Variants in TERF1 observed in about 807,000 individuals in gnomAD.
The protein encoded by TERF1 is telomeric repeat-binding factor 1.
Under a neutral mutation model 55.1 loss-of-function variants are expected in TERF1, and 20 were observed. That is an observed-to-expected ratio of 0.36 (90% CI 0.26 to 0.53). The LOEUF (loss-of-function observed/expected upper bound fraction) is 0.53, where lower values mean the gene tolerates loss of function less well. Among genes scored for constraint, TERF1 ranks in the 20% least tolerant of loss-of-function variants. TERF1 has a pLI of 0.91. For missense variants in TERF1, 439 were observed against 535.7 expected, an observed-to-expected ratio of 0.82 and a Z score of 1.78; for synonymous variants, 168 against 181.2, an observed-to-expected ratio of 0.93 and a Z score of 0.59.
In TERF1 at chr8:73,041,313, CT is replaced by C. The variant is rs1430678947; in HGVS notation, c.1143+2095del. 3.9e-5 allele frequency among the ~76,000 whole-genome samples: 6 copies of C among 152,202 alleles called. No individual in the cohort carries two copies. In the South Asian group the frequency reaches 8.3e-4, roughly 21 times the overall value. On this transcript the variant is annotated intron_variant, in intron 9 of 9. Transcript: ENST00000276603. ...TTCCTTTAGTGTCCTGTTTTTGTCT[CT>C]CTTGTTGTCTCTGGGTTTCCCTAGA...
At position 73,046,298 on chromosome 8, in the gene TERF1, G is replaced by C. The variant is rs1018924870; in HGVS notation, c.*161G>C. The stretch of plus-strand genomic sequence containing the variant: ...GAGGGTTTGTGCTACCAGAGTTAAA[G>C]CATATGCTATCATTGTATTCTTTAA... On this transcript the variant is annotated 3_prime_UTR_variant, in exon 10 of 10. Transcript: ENST00000276603. The C allele has an allele frequency of 4.1e-6, 2 of 490,276 alleles. No individual in the cohort carries two copies. Among genetic ancestry groups the C allele is most frequent in the South Asian group, 1.2e-4 (2 of 17,234 alleles). 30.4% of individuals were successfully genotyped at this position (490,276 alleles called of 1,614,324 possible).
chr8:73,009,262 G>A, intron 1 of TERF1, 57 bp downstream of exon 1: 1 of 1,555,296 alleles, frequency 6.4e-7, no homozygotes, highest in Non-Finnish European at 8.7e-7. Flanking sequence ...CGGGCTCCGT[G>A]GTGCGCGGCA....
chr8:73,027,094 T>C, intron 6 of TERF1, 42 bp downstream of exon 6: 1 of 1,397,938 alleles, frequency 7.2e-7, no homozygotes, highest in Middle Eastern at 2.0e-4. Flanking sequence ...GTTTTATGAA[T>C]GTTCTGTCTT....
chr8:73,026,059 A>G (rs957925861), intron 5 of TERF1, among the ~76,000 whole-genome samples: 3 of 148,550 alleles, frequency 2.0e-5, no homozygotes, highest in Admixed American at 6.8e-5. Context: ...TTAGCCAGAC[A>G]TAGTGGCACA....
intron 5 of TERF1, among the ~76,000 whole-genome samples, chr8:73,026,234 A>T (rs1808989690): frequency 6.8e-6 from 1 of 146,946 alleles, no homozygotes. Flanking sequence ...GCGGTAACTC[A>T]CGCCTGTAAT....
At chr8:73,025,754 CAAAAAA>C (rs35028162) in intron 5 of TERF1, among the ~76,000 whole-genome samples, 4 of 47,260 alleles carry the variant, frequency 8.5e-5, no homozygotes, top group South Asian at 1.3e-3. Context: ...GACTCTGTCT[CAAAAAA>C]AAAAAAAAAA....
intron 4 of TERF1, among the ~76,000 whole-genome samples, chr8:73,022,734 G>T (rs1298278845): frequency 1.3e-5 from 2 of 151,994 alleles, no homozygotes; most frequent in Non-Finnish European, 2.9e-5. Context: ...ATCATTTGAG[G>T]TCAGTAGTTC....
At chr8:73,038,853 T>C (rs1188648504) in intron 8 of TERF1, 1 of 636,372 alleles carries the variant, frequency 1.6e-6, no homozygotes, top group African/African-American at 1.9e-5. Flanking sequence ...TTTAAACAGA[T>C]AATGGAAAGA....
Position 73,024,926 on chromosome 8 carries a change from T to C in TERF1, c.729T>C (p.Tyr243=), listed in dbSNP as rs927366018. 5.1e-6 allele frequency: 8 copies of C among 1,582,094 alleles called. No homozygotes were observed. The highest frequency in any genetic ancestry group is 4.5e-5 in the East Asian group (2 of 44,512). Residue 243 remains tyrosine (Y), a synonymous_variant, in exon 5 of 10, where the codon TAT becomes TAC. Coordinates refer to ENST00000276603, the MANE Select transcript of TERF1 (RefSeq NM_017489.3). ...YNHMMEKIKS[Y]VNYVLSEKSS... is the part of the protein sequence containing the mutation. ...ACATGATGGAGAAAATTAAGAGTTA[T>C]GTGAATTATGTGCTAAGTGAAAAAT... is the stretch of plus-strand genomic sequence containing the variant.
intron 8 of TERF1, among the ~76,000 whole-genome samples, chr8:73,037,381 C>A (rs1809578210): frequency 8.9e-6 from 1 of 112,864 alleles, no homozygotes; most frequent in African/African-American, 3.2e-5. Context: ...TTCAACCAAC[C>A]TTGGAATAAA....
At chr8:73,030,478 A>AAAAAAAATTG in intron 7 of TERF1, 83 bp downstream of exon 7, 1 of 810,532 alleles carries the variant, frequency 1.2e-6, no homozygotes, top group Non-Finnish European at 1.8e-6. Context: ...AAACTACCAC[A>AAAAAAAATTG]TAAATGGTAC....
chr8:73,037,864 GAT>G (rs1360906916), intron 8 of TERF1, among the ~76,000 whole-genome samples: 80 of 96,418 alleles, frequency 8.3e-4, no homozygotes, highest in Non-Finnish European at 9.7e-4. Flanking sequence ...ATATAAATAT[GAT>G]ATATAATATA....
At chr8:73,036,491 A>G (rs1050075464) in intron 8 of TERF1, among the ~76,000 whole-genome samples, 3 of 152,110 alleles carry the variant, frequency 2.0e-5, no homozygotes, top group East Asian at 3.8e-4. Flanking sequence ...AACTGACACC[A>G]TTACATTAAG....
rs148824563 is a variant in TERF1 at position 73,039,182 on chromosome 8, C to A, written c.1106C>A (p.Pro369Gln). The change falls in exon 9 of 10, where the codon CCG (proline) becomes CAG (glutamine). Residue 369 changes from proline to glutamine, a missense_variant. Around this residue, in one of 4 missense-constraint regions of TERF1, gnomAD observed 140 missense variants for 158.6 expected, o/e 0.88. Coordinates refer to ENST00000276603, the MANE Select transcript of TERF1 (RefSeq NM_017489.3). Reference protein sequence around the residue: ...ESRIPVSKSQPVTPEKHRARK... With the variant: ...ESRIPVSKSQQVTPEKHRARK... ...AGAATACCTGTTTCAAAGAGTCAGC[C>A]GGTAACTCCTGAAAAACATCGAGCT... is the stretch of plus-strand genomic sequence containing the variant. 3.7e-6 allele frequency: 6 copies of A among 1,604,312 alleles called. No homozygotes were observed. Among genetic ancestry groups the A allele is most frequent in the Non-Finnish European group, 8.5e-7 (1 of 1,175,818 alleles).
intron 9 of TERF1, among the ~76,000 whole-genome samples, chr8:73,042,405 A>G (rs1372242243): frequency 6.6e-6 from 1 of 152,150 alleles, no homozygotes; most frequent in Non-Finnish European, 1.5e-5. Flanking sequence ...GCCTTTTGTT[A>G]AAATACTTGT....
At chr8:73,042,410 A>G (rs1049751326) in intron 9 of TERF1, among the ~76,000 whole-genome samples, 4 of 152,094 alleles carry the variant, frequency 2.6e-5, no homozygotes, top group Non-Finnish European at 4.4e-5. Context: ...TTGTTAAAAT[A>G]CTTGTTTTAG....
intron 8 of TERF1, among the ~76,000 whole-genome samples, chr8:73,036,952 T>C (rs1170014026): frequency 3.5e-5 from 5 of 141,190 alleles, no homozygotes; most frequent in Non-Finnish European, 6.1e-5. Flanking sequence ...TCTGTGAATA[T>C]GCTTCATAGA....
intron 7 of TERF1, 81 bp downstream of exon 7, chr8:73,030,476 A>G (rs969728793): frequency 3.4e-6 from 3 of 880,178 alleles, no homozygotes; most frequent in East Asian, 3.1e-5. Context: ...AAAAACTACC[A>G]CATAAATGGT....
chr8:73,040,620 C>A (rs1798608470), intron 9 of TERF1, among the ~76,000 whole-genome samples: 1 of 152,062 alleles, frequency 6.6e-6, no homozygotes, highest in South Asian at 2.1e-4. Context: ...TTCTGAGCTT[C>A]CTGAATCTGT....
Sources: gnomAD v4.1 joint callset for allele counts (sites outside exome capture counted in the v4.1 genomes callset) on GRCh38, gnomAD v4.1.1 for gene constraint, gnomAD v4.1.1 regional missense constraint, MANE v1.5 for transcripts, NCBI Gene and HGNC (gene_info 2026-07-23, HGNC 2026-07-21) for gene names.